The following ATRNL1 variants were observed in gnomAD, a reference collection of about 807,000 sequenced individuals.
ATRNL1 encodes attractin-like protein 1.
Under a neutral mutation model 182.7 loss-of-function variants are expected in ATRNL1, and 95 were observed. The observed-to-expected ratio is 0.52, with a 90% CI of 0.44 to 0.62. The LOEUF (loss-of-function observed/expected upper bound fraction) is 0.62, where lower values mean the gene tolerates loss of function less well. ATRNL1 is among the 20% of genes least tolerant of loss of function. The pLI is 0.00. For synonymous variants in ATRNL1, 576 were observed against 568.3 expected, an observed-to-expected ratio of 1.01 and a Z score of -0.19; for missense variants, 1,471 against 1,679.5, an observed-to-expected ratio of 0.88 and a Z score of 2.17.
At chr10:115,251,756 G>A (rs1274685096) in intron 10 of ATRNL1, among the ~76,000 whole-genome samples, 4 of 152,048 alleles carry the variant, frequency 2.6e-5, no homozygotes, top group African/African-American at 9.7e-5. Context: ...TGGCAGTTCC[G>A]GCATTTTGAC....
chr10:115,456,565 A>G (rs1309750342), intron 21 of ATRNL1, among the ~76,000 whole-genome samples: 1 of 152,196 alleles, frequency 6.6e-6, no homozygotes, highest in East Asian at 1.9e-4. Context: ...GCAAACTACC[A>G]TGGCACATGT....
rs1554862012 is a variant in ATRNL1, at chr10:115,093,439, G to T, written c.-312G>T. 4.2e-6 allele frequency: 2 copies of T among 475,542 alleles called. No individual in the cohort carries two copies. Among genetic ancestry groups the T allele is most frequent in the African/African-American group, 2.1e-5 (1 of 47,904 alleles). The allele number at this position is 475,542 out of a possible 1,614,324, so 29.5% of individuals were successfully genotyped here. On this transcript the variant is annotated 5_prime_UTR_variant, in exon 1 of 29. Coordinates refer to ENST00000355044, the MANE Select transcript of ATRNL1 (RefSeq NM_207303.4). The surrounding 1 kb of genome is among the most constrained non-coding windows in gnomAD (Gnocchi z 6.1). ...TCCTGCCGGTCAGGTCCCCTCAGGA[G>T]CGCCGGGCGCAGTCTGCGCCTCCCG...
intron 26 of ATRNL1, among the ~76,000 whole-genome samples, chr10:115,685,918 C>T (rs947404247): frequency 2.6e-5 from 4 of 151,264 alleles, no homozygotes; most frequent in East Asian, 3.9e-4. Flanking sequence ...ATGAGAGTCT[C>T]AATAGTTCTA....
At chr10:115,153,127 TA>T (rs1846324343) in intron 5 of ATRNL1, among the ~76,000 whole-genome samples, 2 of 152,224 alleles carry the variant, frequency 1.3e-5, no homozygotes, top group Non-Finnish European at 2.9e-5. Flanking sequence ...GCCAGGATTT[TA>T]TTGAGGATTT....
intron 25 of ATRNL1, among the ~76,000 whole-genome samples, chr10:115,532,772 T>C (rs1386834058): frequency 2.0e-4 from 30 of 150,746 alleles, no homozygotes; most frequent in Non-Finnish European, 3.6e-4. Context: ...TTGTCATAGA[T>C]AGCTCTTATT....
At chr10:115,394,392 A>G (rs1844184806) in intron 19 of ATRNL1, among the ~76,000 whole-genome samples, 1 of 152,000 alleles carries the variant, frequency 6.6e-6, no homozygotes, top group Admixed American at 6.6e-5. Flanking sequence ...AAATGGAGAG[A>G]AGCCCAAAGA....
chr10:115,235,504 TCTTTCA>T (rs1341889978), intron 9 of ATRNL1, among the ~76,000 whole-genome samples: 2 of 152,180 alleles, frequency 1.3e-5, no homozygotes, highest in Non-Finnish European at 2.9e-5. Context: ...GTGTGTGGCT[TCTTTCA>T]CTTATTGTAA....
intron 21 of ATRNL1, among the ~76,000 whole-genome samples, chr10:115,454,244 G>A (rs1179485951): frequency 6.6e-5 from 10 of 152,034 alleles, no homozygotes; most frequent in South Asian, 2.1e-4. Context: ...TCTTTACCCC[G>A]TTACATTTAT....
intron 28 of ATRNL1, among the ~76,000 whole-genome samples, chr10:115,944,285 T>A (rs1953817814): frequency 7.6e-6 from 1 of 131,728 alleles, no homozygotes; most frequent in Non-Finnish European, 1.6e-5. Flanking sequence ...GTTTTGTTCC[T>A]AAAAAAAAAA....
intron 19 of ATRNL1, among the ~76,000 whole-genome samples, chr10:115,389,560 A>ATATG (rs1564989976): frequency 3.9e-5 from 4 of 101,290 alleles, no homozygotes; most frequent in Admixed American, 9.2e-5. Context: ...ATATATATAT[A>ATATG]TATATATATA....
chr10:115,658,817 TG>T (rs1204225351), intron 26 of ATRNL1, among the ~76,000 whole-genome samples: 2 of 152,146 alleles, frequency 1.3e-5, no homozygotes, highest in Admixed American at 6.5e-5. Flanking sequence ...TACTTGAGAC[TG>T]GGTAATTTAT....
chr10:115,936,677 T>C (rs1366734730), intron 28 of ATRNL1, among the ~76,000 whole-genome samples: 1 of 152,222 alleles, frequency 6.6e-6, no homozygotes, highest in Non-Finnish European at 1.5e-5. Context: ...ACAATGTCTC[T>C]ACCAAATGAA....
intron 15 of ATRNL1, among the ~76,000 whole-genome samples, chr10:115,293,046 G>A (rs1467055779): frequency 6.6e-6 from 1 of 152,036 alleles, no homozygotes; most frequent in Non-Finnish European, 1.5e-5. Flanking sequence ...AACATTGGGT[G>A]CATGTATATT....
chr10:115,655,931 T>C (rs1555035741), intron 26 of ATRNL1, among the ~76,000 whole-genome samples: 1 of 152,156 alleles, frequency 6.6e-6, no homozygotes, highest in Non-Finnish European at 1.5e-5. Context: ...GTGCACTAAA[T>C]AGGAAAATAA....
In ATRNL1 at chr10:115,914,815, C is replaced by A. The variant is rs192558748; in HGVS notation, c.4019-29843C>A. 5.3e-3 allele frequency among the ~76,000 whole-genome samples: 807 copies of A among 152,246 alleles called. 2 individuals carry two copies. Among genetic ancestry groups the A allele is most frequent in the Non-Finnish European group, 8.3e-3 (568 of 68,028 alleles). On this transcript the variant is annotated intron_variant, in intron 28 of 28. Transcript: ENST00000355044. ...AAGAGGATTCACACTTCTACTGTGCCCCTTCCTAGTTCTGTGTCCTTGGCA... is the reference window on the plus strand; with the variant it reads ...AAGAGGATTCACACTTCTACTGTGCACCTTCCTAGTTCTGTGTCCTTGGCA...
At chr10:115,125,963 G>A (rs1376304795) in intron 3 of ATRNL1, among the ~76,000 whole-genome samples, 1 of 152,110 alleles carries the variant, frequency 6.6e-6, no homozygotes, top group Non-Finnish European at 1.5e-5. Flanking sequence ...CAGTTGGTCC[G>A]AATTTCCTGG....
At chr10:115,181,136 A>T (rs1344723427) in intron 8 of ATRNL1, among the ~76,000 whole-genome samples, 3 of 151,892 alleles carry the variant, frequency 2.0e-5, no homozygotes, top group Admixed American at 2.0e-4. Flanking sequence ...TTGATGGAAA[A>T]CATTTCCCAT....
intron 20 of ATRNL1, among the ~76,000 whole-genome samples, chr10:115,397,913 A>G (rs1554956032): frequency 6.6e-6 from 1 of 151,982 alleles, no homozygotes; most frequent in Non-Finnish European, 1.5e-5. Flanking sequence ...AAATCTAAAG[A>G]GAGACAAGAG....
At chr10:115,362,207 TA>T (rs1466663701) in intron 19 of ATRNL1, among the ~76,000 whole-genome samples, 5 of 152,088 alleles carry the variant, frequency 3.3e-5, no homozygotes, top group African/African-American at 9.7e-5. Context: ...CAGCATTTCA[TA>T]TTTATTTATA....
Sources: gnomAD v4.1 joint callset for allele counts (sites outside exome capture counted in the v4.1 genomes callset) on GRCh38, gnomAD v4.1.1 for gene constraint, Gnocchi (gnomAD v3.1) non-coding constraint, MANE v1.5 for transcripts, NCBI Gene and HGNC (gene_info 2026-07-23, HGNC 2026-07-21) for gene names.